The following TBL1XR1 variants were observed in gnomAD, a reference collection of about 807,000 sequenced individuals.
TBL1XR1 encodes the protein F-box-like/WD repeat-containing protein TBL1XR1.
Under a neutral mutation model 66.9 loss-of-function variants are expected in TBL1XR1, and 5 were observed. That is an observed-to-expected ratio of 0.07 (90% CI 0.04 to 0.16). The LOEUF is 0.16. Among genes scored for constraint, TBL1XR1 ranks in the 10% least tolerant of loss-of-function variants. The pLI is 1.00. For synonymous variants in TBL1XR1, 210 were observed against 206.0 expected, an observed-to-expected ratio of 1.02 and a Z score of -0.17; for missense variants, 238 against 623.2, an observed-to-expected ratio of 0.38 and a Z score of 6.58.
At chr3:177,136,540 A>AAAGTGCTGGGATCGTGGGC (rs1248568491) in intron 1 of TBL1XR1, among the ~76,000 whole-genome samples, 6 of 152,202 alleles carry the variant, frequency 3.9e-5, no homozygotes, top group Non-Finnish European at 5.9e-5. Context: ...TAGGCCTCCC[A>AAAGTGCTGGGATCGTGGGC]AAGTGCTGGG....
chr3:177,034,349 A>T, intron 12 of TBL1XR1, 24 bp from the exon 13 acceptor site: 4 of 1,469,044 alleles, frequency 2.7e-6, no homozygotes, highest in Non-Finnish European at 3.6e-6. Flanking sequence ...AAAAATGTAT[A>T]CAATTATTTT....
chr3:177,157,963 T>C (rs570491899), intron 1 of TBL1XR1, among the ~76,000 whole-genome samples: 2 of 152,134 alleles, frequency 1.3e-5, no homozygotes, highest in African/African-American at 4.8e-5. Flanking sequence ...TTGAAGATCA[T>C]AAATACTATC....
Position 177,069,793 on chromosome 3 carries a change from A to AAAAGGAAGGAAGG in TBL1XR1, c.-45-4772_-45-4771insCCTTCCTTCCTTT, listed in dbSNP as rs1553824721. Among the ~76,000 whole-genome samples, 5 of 92,418 alleles carry AAAAGGAAGGAAGG rather than the reference A, an allele frequency of 5.4e-5. 1 individual carries two copies. In the East Asian group the frequency reaches 1.4e-3, roughly 26 times the overall value. 60.6% of individuals were successfully genotyped at this position (92,418 alleles called of 152,430 possible). ...GGAAGGAAAGGAAGGAAAAGGAAGGAAAGGAAGGAAGGAAGGAAGGAAGGA... is the reference window on the plus strand; with the variant it reads ...GGAAGGAAAGGAAGGAAAAGGAAGGAAAAGGAAGGAAGGAAGGAAGGAAGGAAGGAAGGAAGGA... On this transcript the variant is annotated intron_variant, in intron 2 of 15. Coordinates refer to ENST00000457928, the MANE Select transcript of TBL1XR1 (RefSeq NM_024665.7).
intron 1 of TBL1XR1, among the ~76,000 whole-genome samples, chr3:177,153,897 A>AG: frequency 6.6e-6 from 1 of 150,730 alleles, no homozygotes; most frequent in East Asian, 1.9e-4. Flanking sequence ...AAAAAAAAAA[A>AG]GTATGGAACA....
chr3:177,183,011 T>C (rs982051055), intron 1 of TBL1XR1, among the ~76,000 whole-genome samples: 1 of 152,258 alleles, frequency 6.6e-6, no homozygotes, highest in African/African-American at 2.4e-5. Context: ...TCAAAATTCC[T>C]TATCATTTGT....
At chr3:177,110,411 A>G (rs1013174009) in intron 1 of TBL1XR1, among the ~76,000 whole-genome samples, 4 of 152,226 alleles carry the variant, frequency 2.6e-5, no homozygotes, top group African/African-American at 9.6e-5. Context: ...TACACCCACC[A>G]TTACGAATTT....
rs1430149291 is a variant in TBL1XR1, at chr3:177,151,575, C to T, written c.-122+45546G>A. On this transcript the variant is annotated intron_variant, in intron 1 of 15. Coordinates refer to ENST00000457928, the MANE Select transcript of TBL1XR1 (RefSeq NM_024665.7). ...CTCTGTCCGTGGAAAAACTGTCTTC[C>T]ATAAAACTGGTCCCTGGTGCCAAAA... Among the ~76,000 whole-genome samples the T allele has an allele frequency of 2.6e-5, 4 of 152,146 alleles. No homozygotes were observed. The East Asian group carries it at 7.7e-4, about 29-fold the overall frequency.
intron 1 of TBL1XR1, among the ~76,000 whole-genome samples, chr3:177,112,108 T>TATATATATATATACATATATATATATA (rs1553846589): frequency 2.8e-5 from 1 of 35,726 alleles, no homozygotes; most frequent in African/African-American, 1.5e-4. Flanking sequence ...TATATATATA[T>TATATATATATATACATATATATATATA]TTTTTTTTTT....
intron 1 of TBL1XR1, among the ~76,000 whole-genome samples, chr3:177,162,454 A>G (rs1175885362): frequency 6.6e-6 from 1 of 152,248 alleles, no homozygotes; most frequent in Non-Finnish European, 1.5e-5. Flanking sequence ...ATTTTAAAAA[A>G]TCATAGGCAC....
chr3:177,025,482 C>G lies in TBL1XR1; in HGVS notation c.*16G>C. 6.2e-7 allele frequency: 1 copy of G among 1,612,172 alleles called. No individual in the cohort carries two copies. The highest frequency in any genetic ancestry group is 8.5e-7 in the Non-Finnish European group (1 of 1,179,454). ...GTACACATTCATAGTCGGTCCATGG[C>G]TTCCAACTAGTAGCGCTATTTCCGA... On this transcript the variant is annotated 3_prime_UTR_variant, in exon 16 of 16. Transcript: ENST00000457928.
At chr3:177,128,514 C>T (rs1727916326) in intron 1 of TBL1XR1, among the ~76,000 whole-genome samples, 1 of 152,158 alleles carries the variant, frequency 6.6e-6, no homozygotes, top group African/African-American at 2.4e-5. Flanking sequence ...GCTAGGACAA[C>T]AGATGCATCC....
At chr3:177,053,574 A>C (rs1247042465) in intron 4 of TBL1XR1, among the ~76,000 whole-genome samples, 199 bp downstream of exon 4, 1 of 152,196 alleles carries the variant, frequency 6.6e-6, no homozygotes, top group Non-Finnish European at 1.5e-5. Flanking sequence ...TAAGGCAAAC[A>C]AACTACAGAT....
At chr3:177,054,289 G>T (rs2108505868) in intron 3 of TBL1XR1, among the ~76,000 whole-genome samples, 1 of 139,794 alleles carries the variant, frequency 7.2e-6, no homozygotes, top group Non-Finnish European at 1.6e-5. Flanking sequence ...TTTAAATCAG[G>T]CCAAGACAGA....
At chr3:177,175,995 C>T (rs898632895) in intron 1 of TBL1XR1, among the ~76,000 whole-genome samples, 1 of 150,468 alleles carries the variant, frequency 6.6e-6, no homozygotes, top group South Asian at 2.1e-4. Context: ...GGAGACAGAG[C>T]TTGCAGTGAG....
chr3:177,188,355 C>A (rs1011715440), intron 1 of TBL1XR1, among the ~76,000 whole-genome samples: 9 of 152,114 alleles, frequency 5.9e-5, no homozygotes, highest in Non-Finnish European at 5.9e-5. Flanking sequence ...TCAAACCAGC[C>A]TGGCCAACAT....
intron 2 of TBL1XR1, among the ~76,000 whole-genome samples, chr3:177,095,622 GGT>G (rs1344920569): frequency 1.3e-5 from 2 of 151,864 alleles, no homozygotes; most frequent in African/African-American, 4.8e-5. Context: ...TGAGATTACA[GGT>G]GTGCGCCACC....
chr3:177,168,795 A>G (rs1733126532), intron 1 of TBL1XR1, among the ~76,000 whole-genome samples: 1 of 152,216 alleles, frequency 6.6e-6, no homozygotes, highest in Non-Finnish European at 1.5e-5. Context: ...ACATTTACTT[A>G]TTAAGCCTAA....
intron 2 of TBL1XR1, among the ~76,000 whole-genome samples, chr3:177,084,695 C>T (rs1480599538): frequency 6.6e-6 from 1 of 152,214 alleles, no homozygotes; most frequent in Non-Finnish European, 1.5e-5. Flanking sequence ...GACCCCATTA[C>T]TCTGCAGTGC....
intron 1 of TBL1XR1, among the ~76,000 whole-genome samples, chr3:177,175,906 A>T (rs1734089962): frequency 1.3e-5 from 2 of 151,586 alleles, no homozygotes; most frequent in South Asian, 4.2e-4. Context: ...AAAATACAAA[A>T]ATTAGCCGGG....
Sources: gnomAD v4.1 joint callset for allele counts (sites outside exome capture counted in the v4.1 genomes callset) on GRCh38, gnomAD v4.1.1 for gene constraint, MANE v1.5 for transcripts, NCBI Gene and HGNC (gene_info 2026-07-23, HGNC 2026-07-21) for gene names.